The following GRAMD4 variants were observed in gnomAD, a reference collection of about 807,000 sequenced individuals.
GRAMD4 encodes GRAM domain-containing protein 4.
In GRAMD4, 25 loss-of-function variants were observed where a neutral mutation model predicts 83.9. That is an observed-to-expected ratio of 0.30 (90% CI 0.22 to 0.42). The LOEUF is 0.42. Among genes scored for constraint, GRAMD4 ranks in the 10% least tolerant of loss-of-function variants. The probability of loss-of-function intolerance (pLI) is 1.00; values close to 1 mark genes in which losing one functional copy is unlikely to be tolerated. For synonymous variants in GRAMD4, 336 were observed against 320.9 expected (o/e 1.05, Z -0.50); for missense variants, 593 against 788.7 (o/e 0.75, Z 2.97).
chr22:46,655,699 T>C (rs1055552291), intron 3 of GRAMD4, among the ~76,000 whole-genome samples: 2 of 152,208 alleles, frequency 1.3e-5, no homozygotes, highest in African/African-American at 4.8e-5. Context: ...TCCTTCCTGC[T>C]GCTCTGAACT....
intron 1 of GRAMD4, among the ~76,000 whole-genome samples, chr22:46,578,634 A>G (rs560503179): frequency 9.5e-4 from 145 of 152,016 alleles, no homozygotes; most frequent in Non-Finnish European, 1.9e-3. Flanking sequence ...TTGGGGATGC[A>G]CAGTCTGGCC....
intron 1 of GRAMD4, among the ~76,000 whole-genome samples, chr22:46,607,608 G>C (rs116766327): frequency 4.5e-4 from 69 of 152,306 alleles, no homozygotes; most frequent in African/African-American, 1.6e-3. Context: ...TGACATGCCT[G>C]CTTGGCTCCA....
intron 13 of GRAMD4, among the ~76,000 whole-genome samples, chr22:46,669,875 G>C (rs1409247073): frequency 6.6e-6 from 1 of 152,150 alleles, no homozygotes; most frequent in Non-Finnish European, 1.5e-5. Context: ...CACTGCGACT[G>C]GTCTCTTCTG....
chr22:46,628,281 G>A (rs1373225906), intron 2 of GRAMD4, among the ~76,000 whole-genome samples: 3 of 151,892 alleles, frequency 2.0e-5, no homozygotes, highest in Admixed American at 6.5e-5. Flanking sequence ...GGACCCTCCC[G>A]CCTGAGGGAC....
At chr22:46,635,896 A>T (rs1315680998) in intron 2 of GRAMD4, among the ~76,000 whole-genome samples, 1 of 150,558 alleles carries the variant, frequency 6.6e-6, no homozygotes, top group Non-Finnish European at 1.5e-5. Flanking sequence ...AGAGGACTGG[A>T]GAGAAACAGC....
upstream of GRAMD4, among the ~76,000 whole-genome samples, chr22:46,616,397 T>A (rs2081494719): frequency 9.0e-6 from 1 of 111,164 alleles, no homozygotes; most frequent in Non-Finnish European, 1.9e-5. Flanking sequence ...CCTGTGCGTG[T>A]AGGTTCCCCT....
intron 3 of GRAMD4, among the ~76,000 whole-genome samples, chr22:46,643,131 C>CCATG (rs2082003790): frequency 6.9e-6 from 1 of 144,456 alleles, no homozygotes. Context: ...ATGCATCCAT[C>CCATG]CATGCATCCT....
upstream of GRAMD4, among the ~76,000 whole-genome samples, chr22:46,617,371 G>T (rs1360104740): frequency 6.7e-6 from 1 of 149,518 alleles, no homozygotes; most frequent in Non-Finnish European, 1.5e-5. Context: ...CATGTGTGCG[G>T]GTTCCCCTGT....
intron 1 of GRAMD4, chr22:46,588,032 C>G (rs1412125004): frequency 1.2e-6 from 1 of 820,418 alleles, no homozygotes; most frequent in Non-Finnish European, 1.5e-6. Context: ...CTACTTGGCT[C>G]TAGATGTCGG....
chr22:46,615,991 G>A (rs1256053604), upstream of GRAMD4, among the ~76,000 whole-genome samples: 1 of 132,234 alleles, frequency 7.6e-6, no homozygotes, highest in Non-Finnish European at 1.6e-5. Flanking sequence ...TGTGCTTGTG[G>A]GTTCCCCCGT....
intron 1 of GRAMD4, among the ~76,000 whole-genome samples, chr22:46,579,737 G>A (rs1054935773): frequency 6.6e-6 from 1 of 152,080 alleles, no homozygotes; most frequent in Non-Finnish European, 1.5e-5. Flanking sequence ...TCCGGTAGCC[G>A]AATCTACTGG....
At chr22:46,576,997 G>C (rs968694764), upstream of GRAMD4, 5 of 145,580 alleles carry the variant, frequency 3.4e-5, no homozygotes, top group African/African-American at 1.2e-4. Flanking sequence ...CCGCGGGGCG[G>C]GGGCGGGGCC....
At chr22:46,633,781 G>A (rs767107599) in intron 2 of GRAMD4, among the ~76,000 whole-genome samples, 4 of 152,224 alleles carry the variant, frequency 2.6e-5, no homozygotes, top group Non-Finnish European at 4.4e-5. Context: ...GTGTCCATGG[G>A]GTGTAGGCAG....
chr22:46,597,493 A>G (rs751880663), intron 1 of GRAMD4, among the ~76,000 whole-genome samples: 4 of 151,906 alleles, frequency 2.6e-5, no homozygotes, highest in East Asian at 3.9e-4. Flanking sequence ...CTATCTATTT[A>G]TTTATTTATT....
chr22:46,621,675 C>T lies in GRAMD4; in HGVS notation c.-50+1110C>T, dbSNP rs1482553834. On this transcript the variant is annotated intron_variant, in intron 1 of 18. Coordinates refer to ENST00000406902, the MANE Select transcript of GRAMD4 (RefSeq NM_015124.5). This position sits in a 1 kb window ranked among gnomAD's most constrained non-coding sequence, Gnocchi z 5.8. The stretch of plus-strand genomic sequence containing the variant: ...TGTGTCGCGGAGGGCACCCCTACCC[C>T]GGTGCAGGCACAGGCTGGAGGCGTA... Among the ~76,000 whole-genome samples, 2 of 143,512 alleles carry T rather than the reference C, an allele frequency of 1.4e-5. No homozygotes were observed. The highest frequency in any genetic ancestry group is 3.1e-5 in the Non-Finnish European group (2 of 65,004). 94.1% of individuals were successfully genotyped at this position (143,512 alleles called of 152,430 possible). A position where few individuals can be genotyped will look rare whatever the true frequency, so the allele number is the denominator to read the frequency against.
At chr22:46,576,771 G>A (rs1232008105), upstream of GRAMD4, among the ~76,000 whole-genome samples, 6 of 115,250 alleles carry the variant, frequency 5.2e-5, no homozygotes, top group Non-Finnish European at 1.1e-4. Flanking sequence ...GCGCGGGCGA[G>A]GCCACAGCAG....
At chr22:46,630,498 C>T (rs1375084437) in intron 2 of GRAMD4, among the ~76,000 whole-genome samples, 1 of 152,214 alleles carries the variant, frequency 6.6e-6, no homozygotes, top group Non-Finnish European at 1.5e-5. Context: ...ACCGCATTCT[C>T]ATGTGCAGCC....
Position 46,678,491 on chromosome 22 carries a change from G to A in GRAMD4, c.*1240G>A, listed in dbSNP as rs759777048. The stretch of plus-strand genomic sequence containing the variant: ...CCCGCAGGCCTGGTCTGCTGGGGCC[G>A]CCTGCGCTGGGCTGAAGGGAGGGAA... On this transcript the variant is annotated 3_prime_UTR_variant, in exon 19 of 19. Transcript: ENST00000406902. The A allele has an allele frequency of 1.8e-5, 18 of 985,268 alleles. No individual in the cohort carries two copies. Among genetic ancestry groups the A allele is most frequent in the Middle Eastern group, 5.2e-4 (1 of 1,938 alleles). The allele number at this position is 985,268 out of a possible 1,614,324, so 61.0% of individuals were successfully genotyped here.
At chr22:46,681,264 T>C (rs2082669780), downstream of GRAMD4, among the ~76,000 whole-genome samples, 1 of 151,990 alleles carries the variant, frequency 6.6e-6, no homozygotes, top group Non-Finnish European at 1.5e-5. Flanking sequence ...TTCTGAGTGC[T>C]CAAAAAGGCC....
Sources: gnomAD v4.1 joint callset for allele counts (sites outside exome capture counted in the v4.1 genomes callset) on GRCh38, gnomAD v4.1.1 for gene constraint, Gnocchi (gnomAD v3.1) non-coding constraint, MANE v1.5 for transcripts, NCBI Gene and HGNC (gene_info 2026-07-23, HGNC 2026-07-21) for gene names.